Variants in GPR137B observed in about 807,000 individuals in gnomAD.
The protein encoded by GPR137B is integral membrane protein GPR137B.
In GPR137B, 42 loss-of-function variants were observed where a neutral mutation model predicts 42.5. The ratio of observed to expected loss-of-function variants is 0.99; its 90% CI spans 0.77 to 1.28. The LOEUF (loss-of-function observed/expected upper bound fraction) is 1.28. GPR137B is among the 50% of genes most tolerant of loss of function. GPR137B has a pLI of 0.00. For missense variants in GPR137B, 487 were observed against 493.9 expected (o/e 0.99, Z 0.13); for synonymous variants, 218 against 209.7 (o/e 1.04, Z -0.34).
At chr1:236,178,684 AAG>A in intron 3 of GPR137B, 48 bp downstream of exon 3, 5 of 1,221,426 alleles carry the variant, frequency 4.1e-6, no homozygotes, top group South Asian at 2.4e-5. Context: ...GTGTTCTAAA[AAG>A]AGTTTCCTGG....
rs528917217 is a variant in GPR137B at position 236,167,610 on chromosome 1, A to G, written c.415-1096A>G. On this transcript the variant is annotated intron_variant, in intron 1 of 6. Coordinates refer to ENST00000366592, the MANE Select transcript of GPR137B (RefSeq NM_003272.4). The stretch of plus-strand genomic sequence containing the variant: ...GATGCTTGACAGATTGTTTCTGAAA[A>G]GCTGTCCTCTCTCCTCCAGTCTTCC... Among the ~76,000 whole-genome samples, 10 of 152,266 alleles carry G rather than the reference A, an allele frequency of 6.6e-5. No individual in the cohort carries two copies. The South Asian group carries it at 2.1e-3, about 32-fold the overall frequency.
At chr1:236,177,593 G>T (rs1053614971) in intron 2 of GPR137B, among the ~76,000 whole-genome samples, 1 of 151,784 alleles carries the variant, frequency 6.6e-6, no homozygotes, top group African/African-American at 2.4e-5. Flanking sequence ...GCCTCGCTCT[G>T]TGCCCCAGGC....
Position 236,155,694 on chromosome 1 carries a change from G to C in GPR137B, c.414+12658G>C, listed in dbSNP as rs1000957028. 1.3e-5 allele frequency among the ~76,000 whole-genome samples: 2 copies of C among 152,256 alleles called. No individual in the cohort carries two copies. The highest frequency in any genetic ancestry group is 1.5e-5 in the Non-Finnish European group (1 of 68,002). ...GTTTATGAGGCTCAGGGAGGCTCTCGTGAGCCGATGGAGGGGTGGAGGAGG... is the reference window on the plus strand; with the variant it reads ...GTTTATGAGGCTCAGGGAGGCTCTCCTGAGCCGATGGAGGGGTGGAGGAGG... On this transcript the variant is annotated intron_variant, in intron 1 of 6. Coordinates refer to ENST00000366592, the MANE Select transcript of GPR137B (RefSeq NM_003272.4). The surrounding 1 kb of genome is among the most constrained non-coding windows in gnomAD (Gnocchi z 4.6).
chr1:236,205,444 C>T (rs1020089496), intron 6 of GPR137B, among the ~76,000 whole-genome samples, 194 bp downstream of exon 6: 5 of 152,108 alleles, frequency 3.3e-5, no homozygotes, highest in African/African-American at 1.2e-4. Context: ...TTTTTTAAAG[C>T]CCCATAGCAT....
chr1:236,157,694 C>T (rs559165077), intron 1 of GPR137B, among the ~76,000 whole-genome samples: 1 of 152,322 alleles, frequency 6.6e-6, no homozygotes, highest in South Asian at 2.1e-4. Flanking sequence ...CCTGCATGTA[C>T]AAAGAGTTGG....
chr1:236,158,836 G>A (rs890260201), intron 1 of GPR137B, among the ~76,000 whole-genome samples: 4 of 152,316 alleles, frequency 2.6e-5, no homozygotes, highest in Non-Finnish European at 5.9e-5. Flanking sequence ...TGGCTTAGGG[G>A]AGAGGATTTA....
chr1:236,170,039 C>CAAAAAA (rs11346365), intron 2 of GPR137B, among the ~76,000 whole-genome samples: 29 of 36,726 alleles, frequency 7.9e-4, no homozygotes, highest in Non-Finnish European at 1.6e-3. Context: ...GAATCCATCT[C>CAAAAAA]AAAAAAAAAA....
At chr1:236,194,347 A>G (rs207461247) in intron 5 of GPR137B, among the ~76,000 whole-genome samples, 1 of 152,056 alleles carries the variant, frequency 6.6e-6, no homozygotes, top group Non-Finnish European at 1.5e-5. Flanking sequence ...TATTTTTTGT[A>G]TATGGTGTGA....
chr1:236,157,474 C>G (rs941617565), intron 1 of GPR137B, among the ~76,000 whole-genome samples: 1 of 152,174 alleles, frequency 6.6e-6, no homozygotes, highest in Non-Finnish European at 1.5e-5. Flanking sequence ...CCGCCTCCCC[C>G]ACCTCCCAAA....
chr1:236,186,277 A>AATATCTATAATAT lies in GPR137B; in HGVS notation c.966+2374_966+2375insTCTATAATATATA, dbSNP rs1174281631. Among the ~76,000 whole-genome samples, 36 of 17,944 alleles carry AATATCTATAATAT rather than the reference A, an allele frequency of 2.0e-3. 1 individual carries two copies. Among genetic ancestry groups the AATATCTATAATAT allele is most frequent in the South Asian group, 3.8e-3 (3 of 792 alleles). The allele number at this position is 17,944 out of a possible 152,430, so 11.8% of individuals were successfully genotyped here. A position where few individuals can be genotyped will look rare whatever the true frequency, so the allele number is the denominator to read the frequency against. On this transcript the variant is annotated intron_variant, in intron 5 of 6. Transcript: ENST00000366592. ...ATAATATATATTATATATTATATAT[A>AATATCTATAATAT]ATAATATAAATAATATATAATATAT...
Position 236,179,890 on chromosome 1 carries a change from G to A in GPR137B, c.699G>A (p.Val233=). ...NIYLESKGSS[V]CQVTAIGVTV... is the part of the protein sequence containing the mutation. Reference sequence around the variant, plus strand: ...TCCCTCTTTTCCAGGGCTCCTCCGTGTGTCAAGTGACTGCCATCGGTGTCA... The same window carrying A: ...TCCCTCTTTTCCAGGGCTCCTCCGTATGTCAAGTGACTGCCATCGGTGTCA... Residue 233 remains valine, a synonymous_variant, in exon 4 of 7, where the codon GTG becomes GTA. Coordinates refer to ENST00000366592, the MANE Select transcript of GPR137B (RefSeq NM_003272.4). The A allele has an allele frequency of 4.4e-6, 7 of 1,586,624 alleles. No individual in the cohort carries two copies. Among genetic ancestry groups the A allele is most frequent in the Non-Finnish European group, 6.0e-6 (7 of 1,166,560 alleles).
At chr1:236,201,876 A>AG (rs1489720177) in intron 5 of GPR137B, among the ~76,000 whole-genome samples, 1 of 151,916 alleles carries the variant, frequency 6.6e-6, no homozygotes, top group African/African-American at 2.4e-5. Context: ...TCATGTGGGT[A>AG]GACTATTTCA....
At chr1:236,200,845 A>G (rs1201507935) in intron 5 of GPR137B, among the ~76,000 whole-genome samples, 1 of 151,610 alleles carries the variant, frequency 6.6e-6, no homozygotes, top group African/African-American at 2.4e-5. Flanking sequence ...TACACCCAAC[A>G]TTAGTATTGA....
intron 1 of GPR137B, among the ~76,000 whole-genome samples, chr1:236,154,310 G>A (rs1661951262): frequency 6.6e-6 from 1 of 152,166 alleles, no homozygotes; most frequent in African/African-American, 2.4e-5. Context: ...CCCTGGGGCT[G>A]TGAACAGCAC....
intron 5 of GPR137B, among the ~76,000 whole-genome samples, chr1:236,190,027 T>C (rs958667850): frequency 4.6e-5 from 7 of 152,198 alleles, no homozygotes; most frequent in Non-Finnish European, 2.9e-5. Context: ...TTTAGGATAG[T>C]TAGCTGTTCT....
chr1:236,180,625 A>C (rs1217778224), intron 4 of GPR137B, among the ~76,000 whole-genome samples: 1 of 148,986 alleles, frequency 6.7e-6, no homozygotes, highest in Admixed American at 6.8e-5. Context: ...TTTATTAAGC[A>C]GTACTTAATT....
At position 236,162,763 on chromosome 1, in the gene GPR137B, C is replaced by T. The variant is rs150542418; in HGVS notation, c.415-5943C>T. ...TCAAGGTCTGAGGTTTGGGAACCTC[C>T]GCCTAGATTCCAGAAGATGTATGGA... On this transcript the variant is annotated intron_variant, in intron 1 of 6. Coordinates refer to ENST00000366592, the MANE Select transcript of GPR137B (RefSeq NM_003272.4). Among the ~76,000 whole-genome samples, 1,377 of 152,308 alleles carry T rather than the reference C, an allele frequency of 9.0e-3. 13 individuals are homozygous for T. The highest frequency in any genetic ancestry group is 0.029 in the African/African-American group (1,215 of 41,560).
chr1:236,162,954 C>T (rs1002537690), intron 1 of GPR137B, among the ~76,000 whole-genome samples: 2 of 152,146 alleles, frequency 1.3e-5, no homozygotes, highest in Non-Finnish European at 2.9e-5. Context: ...GTCCTCCAGA[C>T]CTCAGAATGG....
chr1:236,147,027 T>C (rs2102888267), intron 1 of GPR137B, among the ~76,000 whole-genome samples: 1 of 152,328 alleles, frequency 6.6e-6, no homozygotes, highest in East Asian at 1.9e-4. Context: ...CAGGCTGGTT[T>C]TGAACTCCTG....
Sources: allele counts gnomAD v4.1 joint callset (sites outside exome capture counted in the v4.1 genomes callset), GRCh38; gene constraint gnomAD v4.1.1; non-coding constraint Gnocchi (gnomAD v3.1); transcripts MANE v1.5; gene names NCBI Gene and HGNC (gene_info 2026-07-23, HGNC 2026-07-21).